Variants in KCNQ5 observed in about 807,000 individuals in gnomAD.
KCNQ5 encodes potassium voltage-gated channel subfamily Q member 5.
KCNQ5 carries 30 observed loss-of-function variants against 98.2 expected under a neutral mutation model. The observed-to-expected ratio is 0.31, with a 90% CI of 0.23 to 0.41. KCNQ5 has a LOEUF of 0.41. KCNQ5 is among the 10% of genes least tolerant of loss of function. KCNQ5 has a pLI of 1.00. For synonymous variants in KCNQ5, 458 were observed against 449.4 expected, an observed-to-expected ratio of 1.02 and a Z score of -0.24; for missense variants, 835 against 1,182.5, an observed-to-expected ratio of 0.71 and a Z score of 4.31.
intron 1 of KCNQ5, among the ~76,000 whole-genome samples, chr6:72,847,069 T>TA (rs1458000515): frequency 6.6e-6 from 1 of 152,172 alleles, no homozygotes; most frequent in African/African-American, 2.4e-5. Context: ...ATGCTTTTTT[T>TA]ATCCTAGAAA....
intron 1 of KCNQ5, among the ~76,000 whole-genome samples, chr6:72,941,711 T>TTCTCC (rs1766320019): frequency 3.7e-4 from 11 of 29,410 alleles, no homozygotes; most frequent in Admixed American, 9.8e-4. Context: ...TTTCTTTCTT[T>TTCTCC]CTTTCTTTCT....
At chr6:72,704,305 CA>C (rs1459245274) in intron 1 of KCNQ5, among the ~76,000 whole-genome samples, 1 of 151,994 alleles carries the variant, frequency 6.6e-6, no homozygotes, top group Non-Finnish European at 1.5e-5. Context: ...CTAAAACCTC[CA>C]AAAGCAAGCT....
intron 9 of KCNQ5, among the ~76,000 whole-genome samples, chr6:73,127,061 A>T (rs1776019341): frequency 6.6e-6 from 1 of 152,196 alleles, no homozygotes; most frequent in Non-Finnish European, 1.5e-5. Flanking sequence ...CATACACAGA[A>T]TTTATAATCC....
At chr6:72,878,227 G>A (rs556727332) in intron 1 of KCNQ5, among the ~76,000 whole-genome samples, 2 of 152,304 alleles carry the variant, frequency 1.3e-5, no homozygotes, top group South Asian at 2.1e-4. Context: ...CCGAGATTGC[G>A]CCACTGCACT....
At chr6:72,889,166 T>A (rs1056370925) in intron 1 of KCNQ5, among the ~76,000 whole-genome samples, 1 of 152,070 alleles carries the variant, frequency 6.6e-6, no homozygotes, top group Non-Finnish European at 1.5e-5. Flanking sequence ...TTGAATGCAG[T>A]AAGGAAAAAA....
chr6:72,759,477 A>G (rs960185881), intron 1 of KCNQ5, among the ~76,000 whole-genome samples: 7 of 152,146 alleles, frequency 4.6e-5, no homozygotes, highest in Non-Finnish European at 8.8e-5. Flanking sequence ...TAGCTTCCCA[A>G]TAGAATAATG....
chr6:73,055,133 G>A (rs1279160446), intron 3 of KCNQ5: 21 of 765,140 alleles, frequency 2.7e-5, no homozygotes, highest in East Asian at 5.0e-5. Context: ...CCAGCACAGC[G>A]AGAGTGAGTG....
At chr6:73,140,738 G>A (rs961427358) in intron 10 of KCNQ5, among the ~76,000 whole-genome samples, 1 of 152,194 alleles carries the variant, frequency 6.6e-6, no homozygotes, top group Admixed American at 6.5e-5. Context: ...ACCCTACAAA[G>A]GGTATTCAGT....
intron 2 of KCNQ5, among the ~76,000 whole-genome samples, chr6:73,030,672 T>C (rs1011752674): frequency 6.6e-6 from 1 of 152,190 alleles, no homozygotes; most frequent in Non-Finnish European, 1.5e-5. Context: ...AGGAATTTGG[T>C]CAAATGACCT....
Position 72,854,758 on chromosome 6 carries a change from TTGTG to T in KCNQ5, c.399-149127_399-149124del, listed in dbSNP as rs34867008. Among the ~76,000 whole-genome samples the T allele has an allele frequency of 4.0e-3, 513 of 127,146 alleles. 4 individuals are homozygous for T. The highest frequency in any genetic ancestry group is 7.2e-3 in the African/African-American group (241 of 33,646). 83.4% of individuals were successfully genotyped at this position (127,146 alleles called of 152,430 possible). On this transcript the variant is annotated intron_variant, in intron 1 of 13. Transcript: ENST00000370398. ...CACACACACACACACACACCATGGT[TTGTG>T]TGTGTGTGTGTGTGTGTGTGTGCGT...
intron 8 of KCNQ5, 101 bp downstream of exon 8, chr6:73,120,678 C>T: frequency 1.5e-6 from 1 of 650,978 alleles, no homozygotes; most frequent in Middle Eastern, 2.5e-4. Context: ...TGTTTGGCTT[C>T]TCTTATTCTC....
At chr6:73,085,458 C>T (rs1773947696) in intron 5 of KCNQ5, among the ~76,000 whole-genome samples, 2 of 152,150 alleles carry the variant, frequency 1.3e-5, no homozygotes, top group South Asian at 4.1e-4. Context: ...TTGCTTTAAC[C>T]AGGAAACATC....
At position 72,852,640 on chromosome 6, in the gene KCNQ5, A is replaced by AATATAT. The variant is rs140435793; in HGVS notation, c.399-151252_399-151247dup. Among the ~76,000 whole-genome samples, 518 of 56,792 alleles carry AATATAT rather than the reference A, an allele frequency of 9.1e-3. 119 individuals carry two copies. The highest frequency in any genetic ancestry group is 0.041 in the African/African-American group (461 of 11,286). 37.3% of individuals were successfully genotyped at this position (56,792 alleles called of 152,430 possible). ...AGTGGAGAGAAGGAGATGAAGGGGA[A>AATATAT]ATATATATATATATATATATAAATG... On this transcript the variant is annotated intron_variant, in intron 1 of 13. Transcript: ENST00000370398.
At chr6:72,968,987 T>G (rs1582108918) in intron 1 of KCNQ5, among the ~76,000 whole-genome samples, 1 of 152,180 alleles carries the variant, frequency 6.6e-6, no homozygotes, top group Non-Finnish European at 1.5e-5. Flanking sequence ...ACTAAGGAGT[T>G]GAGGAATAAG....
intron 1 of KCNQ5, among the ~76,000 whole-genome samples, chr6:72,767,623 A>C (rs2154477283): frequency 6.6e-6 from 1 of 152,158 alleles, no homozygotes; most frequent in East Asian, 1.9e-4. Flanking sequence ...ATATATTAGA[A>C]AGTCTTACAA....
At chr6:72,774,136 G>C (rs767782411) in intron 1 of KCNQ5, among the ~76,000 whole-genome samples, 14 of 152,086 alleles carry the variant, frequency 9.2e-5, no homozygotes, top group Admixed American at 8.5e-4. Context: ...GCAAATCTAG[G>C]TGTAAAGGTT....
rs573854579 is a variant in KCNQ5, at chr6:73,103,736, G to A, written c.919-1521G>A. Among the ~76,000 whole-genome samples, 102 of 116,108 alleles carry A rather than the reference G, an allele frequency of 8.8e-4. 1 individual carries two copies. The highest frequency in any genetic ancestry group is 3.2e-3 in the African/African-American group (97 of 30,774). 76.2% of individuals were successfully genotyped at this position (116,108 alleles called of 152,430 possible). A position where few individuals can be genotyped will look rare whatever the true frequency, so the allele number is the denominator to read the frequency against. ...GGAGAGAGTGAGCAGAGAGGGAAGCGGAGATGGTTAATGGACACCAAAAAA... is the reference window on the plus strand; with the variant it reads ...GGAGAGAGTGAGCAGAGAGGGAAGCAGAGATGGTTAATGGACACCAAAAAA... On this transcript the variant is annotated intron_variant, in intron 5 of 13. Coordinates refer to ENST00000370398, the MANE Select transcript of KCNQ5 (RefSeq NM_019842.4).
At chr6:72,692,613 ACT>A (rs958419071) in intron 1 of KCNQ5, among the ~76,000 whole-genome samples, 15 of 152,220 alleles carry the variant, frequency 9.9e-5, no homozygotes, top group African/African-American at 3.4e-4. Flanking sequence ...ACAAAATGAA[ACT>A]CTGTAGGCAC....
chr6:72,663,238 C>T (rs1766619758), intron 1 of KCNQ5, among the ~76,000 whole-genome samples: 1 of 152,110 alleles, frequency 6.6e-6, no homozygotes, highest in South Asian at 2.1e-4. Context: ...TGTAACAAAC[C>T]TGCACGTTCT....
Sources: allele counts gnomAD v4.1 joint callset (sites outside exome capture counted in the v4.1 genomes callset), GRCh38; gene constraint gnomAD v4.1.1; transcripts MANE v1.5; gene names NCBI Gene and HGNC (gene_info 2026-07-23, HGNC 2026-07-21).